NCAM2: variants seen among roughly 807,000 people sequenced by gnomAD.
The protein encoded by NCAM2 is N-CAM-2.
A neutral mutation model predicts 98.1 loss-of-function variants in NCAM2; 30 were observed. That is an observed-to-expected ratio of 0.31 (90% confidence interval 0.23 to 0.41). The LOEUF is 0.41. Ranked by LOEUF, NCAM2 falls within the 10% of genes least tolerant of loss-of-function variation. The pLI is 1.00. For synonymous variants in NCAM2, 368 were observed against 342.4 expected, an observed-to-expected ratio of 1.07 and a Z score of -0.83; for missense variants, 867 against 1,005.8, an observed-to-expected ratio of 0.86 and a Z score of 1.87.
At chr21:21,048,370 T>G (rs76225271) in intron 1 of NCAM2, among the ~76,000 whole-genome samples, 1 of 152,120 alleles carries the variant, frequency 6.6e-6, no homozygotes, top group Non-Finnish European at 1.5e-5. Context: ...TTTTTTTTTT[T>G]GAGACGGAGT....
chr21:21,286,979 A>G (rs1601870252), intron 4 of NCAM2, among the ~76,000 whole-genome samples: 1 of 151,930 alleles, frequency 6.6e-6, no homozygotes, highest in African/African-American at 2.4e-5. Context: ...GGTTATCTAC[A>G]AGTTCTAAAT....
intron 1 of NCAM2, among the ~76,000 whole-genome samples, chr21:21,125,595 T>G (rs1161972797): frequency 7.6e-6 from 1 of 132,018 alleles, no homozygotes; most frequent in African/African-American, 2.7e-5. Flanking sequence ...TACATATTTA[T>G]TAAATATATA....
intron 1 of NCAM2, among the ~76,000 whole-genome samples, chr21:21,002,860 T>C (rs1001111704): frequency 6.6e-6 from 1 of 152,188 alleles, no homozygotes; most frequent in Admixed American, 6.6e-5. Flanking sequence ...GTTCCCTTTA[T>C]ACAATCCCAA....
chr21:21,317,801 C>T (rs2074263541), intron 5 of NCAM2, among the ~76,000 whole-genome samples: 1 of 152,120 alleles, frequency 6.6e-6, no homozygotes, highest in South Asian at 2.1e-4. Context: ...TCCCAGATCG[C>T]TGGGATTACA....
intron 1 of NCAM2, among the ~76,000 whole-genome samples, chr21:21,168,932 G>T (rs952623621): frequency 3.9e-5 from 6 of 152,068 alleles, no homozygotes; most frequent in Admixed American, 2.6e-4. Flanking sequence ...TAGCTATCAA[G>T]AAATGGATAG....
At chr21:21,440,500 G>A (rs529949969) in intron 12 of NCAM2, among the ~76,000 whole-genome samples, 2 of 152,064 alleles carry the variant, frequency 1.3e-5, no homozygotes, top group African/African-American at 4.8e-5. Context: ...TGGGCAACAT[G>A]GCGAAACCTC....
Position 21,518,709 on chromosome 21 carries a change from T to C in NCAM2, c.2282+9654T>C, listed in dbSNP as rs143658819. 8.5e-5 allele frequency among the ~76,000 whole-genome samples: 13 copies of C among 152,114 alleles called. No individual in the cohort carries two copies. In the East Asian group the frequency reaches 2.5e-3, roughly 29 times the overall value. On this transcript the variant is annotated intron_variant, in intron 16 of 17. Transcript: ENST00000400546. The stretch of plus-strand genomic sequence containing the variant: ...TATTAAATTTTATAAGTCTTCTCTT[T>C]TGCCCATCCACTGAGCAAATATTTA...
In NCAM2 at chr21:21,165,733, CATTTAT is replaced by C. The variant is rs1207728579; in HGVS notation, c.56-114839_56-114834del. Among the ~76,000 whole-genome samples, 15 of 152,274 alleles carry C rather than the reference CATTTAT, an allele frequency of 9.9e-5. No homozygotes were observed. In the South Asian group the frequency reaches 2.9e-3, roughly 29 times the overall value. On this transcript the variant is annotated intron_variant, in intron 1 of 17. Coordinates refer to ENST00000400546, the MANE Select transcript of NCAM2 (RefSeq NM_004540.5). ...TATTATAACATTTATATTTTAATCA[CATTTAT>C]ATTTAATCACAGAACAAATCAGTAA...
At chr21:21,251,744 G>GTTTTTT (rs3037910) in intron 1 of NCAM2, among the ~76,000 whole-genome samples, 1 of 143,542 alleles carries the variant, frequency 7.0e-6, no homozygotes, top group African/African-American at 2.6e-5. Flanking sequence ...ACTTTTTGAT[G>GTTTTTT]TTTTTTTTTT....
intron 15 of NCAM2, among the ~76,000 whole-genome samples, chr21:21,477,789 A>G (rs528964908): frequency 2.0e-4 from 31 of 152,318 alleles, no homozygotes; most frequent in Middle Eastern, 3.4e-3. Flanking sequence ...AGCTTTGCTA[A>G]GAAGACAATT....
chr21:21,232,456 A>G (rs536269388), intron 1 of NCAM2, among the ~76,000 whole-genome samples: 2 of 151,582 alleles, frequency 1.3e-5, no homozygotes. Flanking sequence ...TTTGAGTTTC[A>G]GTTGTACAGC....
intron 1 of NCAM2, among the ~76,000 whole-genome samples, chr21:21,151,282 T>G (rs889315904): frequency 6.6e-6 from 1 of 152,206 alleles, no homozygotes; most frequent in African/African-American, 2.4e-5. Flanking sequence ...GTATTTTTTA[T>G]CATTATACTT....
chr21:21,325,384 C>T (rs1402776522), intron 6 of NCAM2, among the ~76,000 whole-genome samples: 1 of 152,074 alleles, frequency 6.6e-6, no homozygotes, highest in Non-Finnish European at 1.5e-5. Flanking sequence ...TTCTTTTTTG[C>T]TTGAGCATGT....
At chr21:21,461,437 A>G (rs1201214108) in intron 12 of NCAM2, among the ~76,000 whole-genome samples, 1 of 151,860 alleles carries the variant, frequency 6.6e-6, no homozygotes, top group Non-Finnish European at 1.5e-5. Flanking sequence ...CTCATGATGG[A>G]AAGTTACATA....
chr21:21,007,223 C>T (rs1234155566), intron 1 of NCAM2, among the ~76,000 whole-genome samples: 1 of 152,046 alleles, frequency 6.6e-6, no homozygotes, highest in Non-Finnish European at 1.5e-5. Flanking sequence ...GTAGTTTGTT[C>T]TCAATATTAA....
chr21:21,274,033 C>T (rs1053136513), intron 1 of NCAM2, among the ~76,000 whole-genome samples: 4 of 120,502 alleles, frequency 3.3e-5, no homozygotes, highest in South Asian at 3.2e-4. Flanking sequence ...GGCGTGGTGG[C>T]GCATGGCTGT....
At chr21:21,509,679 C>G (rs1039444150) in intron 16 of NCAM2, among the ~76,000 whole-genome samples, 17 of 151,922 alleles carry the variant, frequency 1.1e-4, no homozygotes, top group African/African-American at 4.1e-4. Context: ...GTATGTAGAT[C>G]GATTTTTTAG....
Position 21,424,929 on chromosome 21 carries a change from G to A in NCAM2, c.1480+6360G>A, listed in dbSNP as rs184981969. ...TGGGTGCCTGTAATCCCAGCTACTC[G>A]GGAGGCTGAGGCAGGAGAATTGCTT... On this transcript the variant is annotated intron_variant, in intron 11 of 17. Transcript: ENST00000400546. Among the ~76,000 whole-genome samples, 220 of 150,768 alleles carry A rather than the reference G, an allele frequency of 1.5e-3. 1 individual carries two copies. The highest frequency in any genetic ancestry group is 5.1e-3 in the African/African-American group (210 of 41,026).
chr21:21,017,617 T>C (rs2146170757), intron 1 of NCAM2, among the ~76,000 whole-genome samples: 2 of 152,048 alleles, frequency 1.3e-5, no homozygotes, highest in Middle Eastern at 3.4e-3. Context: ...ATTCCTCGCT[T>C]ATGATTTCTT....
Sources: gnomAD v4.1 joint callset for allele counts (sites outside exome capture counted in the v4.1 genomes callset) on GRCh38, gnomAD v4.1.1 for gene constraint, MANE v1.5 for transcripts, NCBI Gene and HGNC (gene_info 2026-07-23, HGNC 2026-07-21) for gene names.